Variants in C7 observed in about 807,000 individuals in gnomAD.
C7 encodes the protein complement component C7.
Under a neutral mutation model 104.8 loss-of-function variants are expected in C7, and 83 were observed. The observed-to-expected ratio is 0.79, with a 90% CI of 0.66 to 0.95. The LOEUF is 0.95. Ranked by LOEUF, C7 falls within the 40% of genes least tolerant of loss-of-function variation. The pLI is 0.00. For synonymous variants in C7, 415 were observed against 360.6 expected, an observed-to-expected ratio of 1.15 and a Z score of -1.71; for missense variants, 1,070 against 1,011.2, an observed-to-expected ratio of 1.06 and a Z score of -0.79.
At chr5:40,958,729 T>C (rs1406589362) in intron 11 of C7, among the ~76,000 whole-genome samples, 1 of 152,214 alleles carries the variant, frequency 6.6e-6, no homozygotes, top group African/African-American at 2.4e-5. Flanking sequence ...TTCAAGCACT[T>C]AGTACAGGGC....
At chr5:40,944,358 C>G (rs1385681107) in intron 6 of C7, among the ~76,000 whole-genome samples, 1 of 152,012 alleles carries the variant, frequency 6.6e-6, no homozygotes, top group African/African-American at 2.4e-5. Context: ...CAAATTTATC[C>G]CTTGGAAAAA....
At chr5:40,956,644 G>T (rs1341508475) in intron 10 of C7, among the ~76,000 whole-genome samples, 1 of 152,230 alleles carries the variant, frequency 6.6e-6, no homozygotes, top group African/African-American at 2.4e-5. Flanking sequence ...CCGATTCTAT[G>T]ATTTATTCCC....
chr5:40,955,272 A>C (rs1740263613), intron 9 of C7, 115 bp from the exon 10 acceptor site: 2 of 957,978 alleles, frequency 2.1e-6, no homozygotes, highest in Admixed American at 5.1e-5. Flanking sequence ...TTCTGACCAC[A>C]ATTTATCTTT....
intron 1 of C7, among the ~76,000 whole-genome samples, chr5:40,910,374 T>C (rs1010790217): frequency 2.0e-5 from 3 of 152,148 alleles, no homozygotes; most frequent in African/African-American, 7.2e-5. Context: ...TGTAAGACTG[T>C]AGGAATAATT....
chr5:40,978,097 C>T (rs774306976), intron 16 of C7, among the ~76,000 whole-genome samples: 8 of 149,284 alleles, frequency 5.4e-5, no homozygotes, highest in Non-Finnish European at 8.9e-5. Flanking sequence ...TTCATGCCAC[C>T]GCACTCCAGC....
At chr5:40,956,108 G>A (rs1225508072) in intron 10 of C7, among the ~76,000 whole-genome samples, 4 of 152,146 alleles carry the variant, frequency 2.6e-5, no homozygotes, top group Admixed American at 2.6e-4. Context: ...AAAAAAATCA[G>A]GTTAGAGACA....
chr5:40,942,425 G>A (rs892606032), intron 6 of C7, among the ~76,000 whole-genome samples: 23 of 151,968 alleles, frequency 1.5e-4, no homozygotes, highest in Non-Finnish European at 3.4e-4. Context: ...TAAGACAAAG[G>A]GAGGGACACC....
chr5:40,950,929 A>G (rs1264808382), intron 9 of C7, among the ~76,000 whole-genome samples: 1 of 152,188 alleles, frequency 6.6e-6, no homozygotes, highest in Non-Finnish European at 1.5e-5. Flanking sequence ...TGAGGGTACC[A>G]TGTTAAGGAG....
chr5:40,914,214 T>C (rs550709818), intron 1 of C7, among the ~76,000 whole-genome samples: 1 of 152,308 alleles, frequency 6.6e-6, no homozygotes, highest in South Asian at 2.1e-4. Flanking sequence ...TGATGATTAG[T>C]GATGTTGAGC....
chr5:40,953,251 A>G (rs1740215176), intron 9 of C7, among the ~76,000 whole-genome samples: 1 of 152,204 alleles, frequency 6.6e-6, no homozygotes. Context: ...AATTGATCTC[A>G]TGGAGATAGA....
chr5:40,932,564 T>C (rs1561241777), intron 3 of C7, among the ~76,000 whole-genome samples: 1 of 152,208 alleles, frequency 6.6e-6, no homozygotes, highest in Non-Finnish European at 1.5e-5. Flanking sequence ...TAAGATCAGG[T>C]ATTTATTTAG....
intron 1 of C7, among the ~76,000 whole-genome samples, chr5:40,927,704 TA>T (rs200366672): frequency 0.011 from 1,613 of 152,248 alleles, 14 homozygotes; most frequent in Middle Eastern, 0.037. Context: ...TCAACATTGC[TA>T]ATCATTAGAG....
intron 8 of C7, among the ~76,000 whole-genome samples, chr5:40,948,731 C>T (rs992698492): frequency 3.3e-5 from 5 of 151,922 alleles, no homozygotes; most frequent in Non-Finnish European, 7.4e-5. Flanking sequence ...CTTTTTTTTC[C>T]TAACTTTGTC....
At position 40,976,848 on chromosome 5, in the gene C7, C is replaced by A. The variant is rs1286620841; in HGVS notation, c.2165+8C>A. On this transcript the variant is annotated splice_region_variant and intron_variant, in intron 16 of 17. Transcript: ENST00000313164. ...AATGCCCTACGAATGTGGGTAAGTG[C>A]CGCCTTTGCTCATTTCTCTGTTTTA... 7 of 1,583,224 alleles carry A rather than the reference C, an allele frequency of 4.4e-6. No homozygotes were observed. The highest frequency in any genetic ancestry group is 6.0e-6 in the Non-Finnish European group (7 of 1,161,402).
chr5:40,937,513 C>T (rs768299459), intron 5 of C7, 39 bp from the exon 6 acceptor site: 9 of 1,552,274 alleles, frequency 5.8e-6, no homozygotes, highest in Admixed American at 4.2e-5. Context: ...TTTTTAACGG[C>T]TTTTTATTTC....
chr5:40,959,674 T>C, intron 12 of C7, 54 bp downstream of exon 12: 1 of 1,326,150 alleles, frequency 7.5e-7, no homozygotes, highest in Non-Finnish European at 1.0e-6. Context: ...CCCTCTGCAG[T>C]TAGCATGGAA....
At chr5:40,968,855 G>T (rs952858978) in intron 14 of C7, among the ~76,000 whole-genome samples, 61 of 151,326 alleles carry the variant, frequency 4.0e-4, no homozygotes, top group African/African-American at 1.4e-3. Context: ...CAAGTGATCT[G>T]CCTGCTTCAG....
intron 14 of C7, among the ~76,000 whole-genome samples, chr5:40,971,048 G>A (rs761326009): frequency 2.1e-4 from 32 of 152,136 alleles, no homozygotes; most frequent in Non-Finnish European, 4.3e-4. Flanking sequence ...ATAAACATAC[G>A]TGTGCATGTG....
chr5:40,951,914 T>G, intron 9 of C7, among the ~76,000 whole-genome samples: 1 of 152,210 alleles, frequency 6.6e-6, no homozygotes, highest in Non-Finnish European at 1.5e-5. Context: ...CTGTGGTATG[T>G]GCCAGGAATC....
Sources: allele counts gnomAD v4.1 joint callset (sites outside exome capture counted in the v4.1 genomes callset), GRCh38; gene constraint gnomAD v4.1.1; transcripts MANE v1.5; gene names NCBI Gene and HGNC (gene_info 2026-07-23, HGNC 2026-07-21).